Variants in ADARB1 observed in about 807,000 individuals in gnomAD.
ADARB1 encodes double-stranded RNA-specific editase 1.
Under a neutral mutation model 52.4 loss-of-function variants are expected in ADARB1, and 10 were observed. The observed-to-expected ratio is 0.19, with a 90% CI of 0.12 to 0.32. The LOEUF (loss-of-function observed/expected upper bound fraction) is 0.32. Ranked by LOEUF, ADARB1 falls within the 10% of genes least tolerant of loss-of-function variation. The pLI is 1.00. For synonymous variants in ADARB1, 349 were observed against 371.1 expected, an observed-to-expected ratio of 0.94 and a Z score of 0.68; for missense variants, 643 against 922.3, an observed-to-expected ratio of 0.70 and a Z score of 3.92.
At chr21:45,166,049 A>G (rs1341582538) in intron 2 of ADARB1, among the ~76,000 whole-genome samples, 2 of 152,190 alleles carry the variant, frequency 1.3e-5, no homozygotes, top group Non-Finnish European at 2.9e-5. Context: ...TTTTACCAGC[A>G]CAATAGAAAC....
At chr21:45,083,411 A>G (rs143604777) in intron 1 of ADARB1, among the ~76,000 whole-genome samples, 1 of 152,216 alleles carries the variant, frequency 6.6e-6, no homozygotes, top group African/African-American at 2.4e-5. Flanking sequence ...AGAAACATTT[A>G]TAAAACATTC....
chr21:45,197,829 A>G (rs1014668166), intron 8 of ADARB1, among the ~76,000 whole-genome samples: 2 of 152,246 alleles, frequency 1.3e-5, no homozygotes, highest in Admixed American at 6.5e-5. Flanking sequence ...AGGAATTACC[A>G]TACAGTCCCA....
intron 2 of ADARB1, among the ~76,000 whole-genome samples, chr21:45,161,714 A>G (rs1171715036): frequency 6.6e-6 from 1 of 152,178 alleles, no homozygotes; most frequent in Non-Finnish European, 1.5e-5. Context: ...TTCAGCTTAC[A>G]GAGGACTTAA....
chr21:45,082,300 G>GA (rs1171992865), intron 1 of ADARB1, among the ~76,000 whole-genome samples: 10 of 152,118 alleles, frequency 6.6e-5, no homozygotes, highest in Admixed American at 5.9e-4. Context: ...ATTGTCAGTT[G>GA]AAAATGCATT....
At chr21:45,081,582 C>G (rs917508401) in intron 1 of ADARB1, among the ~76,000 whole-genome samples, 1 of 152,146 alleles carries the variant, frequency 6.6e-6, no homozygotes, top group African/African-American at 2.4e-5. Context: ...CTTCAACTTG[C>G]GATGGGTTCA....
intron 1 of ADARB1, among the ~76,000 whole-genome samples, chr21:45,084,560 G>A (rs1277179075): frequency 1.3e-5 from 2 of 152,232 alleles, no homozygotes; most frequent in African/African-American, 4.8e-5. Context: ...GGACTAGACT[G>A]TGTTAGTTGT....
chr21:45,104,468 G>C (rs2087161878), intron 1 of ADARB1, among the ~76,000 whole-genome samples: 1 of 152,150 alleles, frequency 6.6e-6, no homozygotes, highest in South Asian at 2.1e-4. Flanking sequence ...GACACAGTGG[G>C]GGTCAGGGCA....
rs147273429 is a variant in ADARB1 at position 45,131,250 on chromosome 21, G to C, written c.-48+2677G>C. Among the ~76,000 whole-genome samples, 135 of 152,270 alleles carry C rather than the reference G, an allele frequency of 8.9e-4. 1 individual carries two copies. The highest frequency in any genetic ancestry group is 3.2e-3 in the African/African-American group (132 of 41,536). On this transcript the variant is annotated intron_variant, in intron 2 of 10. Transcript: ENST00000348831. ...GGCCTGTCAGTGCAGGCAGATGTGG[G>C]GTAGGTACTGAGCTGGTGACCTGAA...
At chr21:45,140,306 A>G (rs1188239639) in intron 2 of ADARB1, among the ~76,000 whole-genome samples, 1 of 152,124 alleles carries the variant, frequency 6.6e-6, no homozygotes, top group African/African-American at 2.4e-5. Flanking sequence ...TACCCCAAAA[A>G]GTTTCCTCTT....
intron 2 of ADARB1, among the ~76,000 whole-genome samples, chr21:45,164,815 A>G (rs2091174258): frequency 6.6e-6 from 1 of 152,176 alleles, no homozygotes; most frequent in Admixed American, 6.5e-5. Context: ...CTGAGTGGTA[A>G]CAGCAGCGCA....
At chr21:45,181,436 C>G (rs1052108290) in intron 5 of ADARB1, 3 of 152,288 alleles carry the variant, frequency 2.0e-5, no homozygotes, top group African/African-American at 7.2e-5. Flanking sequence ...ATCTTCTCCC[C>G]CTTTTACCTC....
At chr21:45,082,394 T>G (rs1423626063) in intron 1 of ADARB1, among the ~76,000 whole-genome samples, 1 of 152,214 alleles carries the variant, frequency 6.6e-6, no homozygotes, top group Admixed American at 6.5e-5. Context: ...AAAAAAATCA[T>G]AAGTCAGACT....
rs372569912 is a variant in ADARB1, at chr21:45,208,297, G to A, written c.1747+3561G>A. Among the ~76,000 whole-genome samples the A allele has an allele frequency of 4.6e-5, 7 of 152,362 alleles. No homozygotes were observed. The highest frequency in any genetic ancestry group is 1.7e-4 in the African/African-American group (7 of 41,584). The stretch of plus-strand genomic sequence containing the variant: ...TGACAGACAGCCTGCTCCGGGGTTT[G>A]CAGACAAGGCTTCCTATCCTGCTGG... On this transcript the variant is annotated intron_variant, in intron 9 of 10. Transcript: ENST00000348831. The surrounding 1 kb of genome is among the most constrained non-coding windows in gnomAD (Gnocchi z 5.6).
At chr21:45,168,681 C>T (rs973858537) in intron 2 of ADARB1, among the ~76,000 whole-genome samples, 12 of 152,138 alleles carry the variant, frequency 7.9e-5, no homozygotes, top group Non-Finnish European at 8.8e-5. Context: ...AACACTGTAC[C>T]GTACCGATGA....
chr21:45,097,152 A>T (rs1221571385), intron 1 of ADARB1, among the ~76,000 whole-genome samples: 2 of 152,304 alleles, frequency 1.3e-5, no homozygotes, highest in South Asian at 4.1e-4. Flanking sequence ...AGCACCCTTT[A>T]GGTACGAGAT....
Position 45,168,044 on chromosome 21 carries a change from G to A in ADARB1, c.-47-3566G>A, listed in dbSNP as rs755073654. Among the ~76,000 whole-genome samples the A allele has an allele frequency of 5.6e-4, 85 of 152,000 alleles. 1 individual carries two copies. Among genetic ancestry groups the A allele is most frequent in the Admixed American group, 1.9e-3 (29 of 15,260 alleles). On this transcript the variant is annotated intron_variant, in intron 2 of 10. Transcript: ENST00000348831. Reference sequence around the variant, plus strand: ...AACACTATGTTGAATAGCCCTTCTCGGAGGTGTGCAGCGGAGTTATCTCAC... The same window carrying A: ...AACACTATGTTGAATAGCCCTTCTCAGAGGTGTGCAGCGGAGTTATCTCAC...
At chr21:45,078,381 G>A (rs1245585389) in intron 1 of ADARB1, among the ~76,000 whole-genome samples, 1 of 152,232 alleles carries the variant, frequency 6.6e-6, no homozygotes. Flanking sequence ...TGAGCCTGAT[G>A]AGGAGAGTTC....
intron 1 of ADARB1, among the ~76,000 whole-genome samples, chr21:45,122,502 A>T (rs754073248): frequency 6.6e-6 from 1 of 152,158 alleles, no homozygotes; most frequent in Admixed American, 6.5e-5. Flanking sequence ...CAGCTTGACA[A>T]ATTTGGAGTC....
chr21:45,167,029 G>A (rs186489360), intron 2 of ADARB1, among the ~76,000 whole-genome samples: 2 of 152,302 alleles, frequency 1.3e-5, no homozygotes, highest in Non-Finnish European at 2.9e-5. Flanking sequence ...TAAAGTGCTT[G>A]CATGTGCTGT....
Sources: allele counts gnomAD v4.1 joint callset (sites outside exome capture counted in the v4.1 genomes callset), GRCh38; gene constraint gnomAD v4.1.1; non-coding constraint Gnocchi (gnomAD v3.1); transcripts MANE v1.5; gene names NCBI Gene and HGNC (gene_info 2026-07-23, HGNC 2026-07-21).